The following AMBRA1 variants were observed in gnomAD, a reference collection of about 807,000 sequenced individuals.
The protein encoded by AMBRA1 is activating molecule in BECN1-regulated autophagy protein 1.
Under a neutral mutation model 125.4 loss-of-function variants are expected in AMBRA1, and 47 were observed. The observed-to-expected ratio is 0.37, with a 90% CI of 0.30 to 0.48. The LOEUF is 0.48. Ranked by LOEUF, AMBRA1 falls within the 20% of genes least tolerant of loss-of-function variation. The pLI is 0.99. For synonymous variants in AMBRA1, 626 were observed against 655.5 expected, an observed-to-expected ratio of 0.95 and a Z score of 0.69; for missense variants, 1,331 against 1,693.4, an observed-to-expected ratio of 0.79 and a Z score of 3.76.
chr11:46,401,845 T>A (rs1303651856), intron 17 of AMBRA1, among the ~76,000 whole-genome samples: 2 of 152,210 alleles, frequency 1.3e-5, no homozygotes, highest in African/African-American at 4.8e-5. Flanking sequence ...TGGTTAAGTC[T>A]GCACCCTGTT....
At chr11:46,552,522 T>C (rs1286565828) in intron 1 of AMBRA1, among the ~76,000 whole-genome samples, 1 of 148,146 alleles carries the variant, frequency 6.8e-6, no homozygotes, top group African/African-American at 2.5e-5. Flanking sequence ...CCGTCTCTAC[T>C]AAAAATACAA....
chr11:46,447,687 G>T (rs1201823319), intron 11 of AMBRA1, among the ~76,000 whole-genome samples: 1 of 151,828 alleles, frequency 6.6e-6, no homozygotes, highest in African/African-American at 2.4e-5. Context: ...TACAGCCTGG[G>T]TTACAGAGCC....
chr11:46,555,066 C>T (rs938022867), intron 1 of AMBRA1, among the ~76,000 whole-genome samples: 1 of 151,906 alleles, frequency 6.6e-6, no homozygotes, highest in African/African-American at 2.4e-5. Flanking sequence ...AGAGTGAGAC[C>T]CTGTCTTAAA....
At chr11:46,517,941 G>C (rs919355815) in intron 7 of AMBRA1, among the ~76,000 whole-genome samples, 2 of 151,196 alleles carry the variant, frequency 1.3e-5, no homozygotes, top group African/African-American at 4.9e-5. Context: ...TAGAGAGAGA[G>C]AGAACAAAAG....
At chr11:46,582,413 T>A (rs1231611041) in intron 1 of AMBRA1, among the ~76,000 whole-genome samples, 1 of 152,182 alleles carries the variant, frequency 6.6e-6, no homozygotes, top group Non-Finnish European at 1.5e-5. Context: ...CTGTCATAGG[T>A]TTGGCACACA....
intron 1 of AMBRA1, among the ~76,000 whole-genome samples, chr11:46,558,061 C>G (rs1565294661): frequency 6.6e-6 from 1 of 152,122 alleles, no homozygotes; most frequent in Non-Finnish European, 1.5e-5. Context: ...CTTCTTAGAC[C>G]TTCTAACCTA....
At chr11:46,583,086 C>T (rs900451223) in intron 1 of AMBRA1, among the ~76,000 whole-genome samples, 13 of 152,142 alleles carry the variant, frequency 8.5e-5, no homozygotes, top group African/African-American at 3.1e-4. Context: ...CATCACGCTA[C>T]CTGACTTCAA....
At chr11:46,440,525 G>C (rs1412252743) in intron 12 of AMBRA1, among the ~76,000 whole-genome samples, 9 of 152,174 alleles carry the variant, frequency 5.9e-5, no homozygotes, top group South Asian at 2.1e-4. Flanking sequence ...TTTTTGAACA[G>C]TAATATCAAT....
At chr11:46,535,308 A>G (rs1952418495) in intron 7 of AMBRA1, among the ~76,000 whole-genome samples, 1 of 152,214 alleles carries the variant, frequency 6.6e-6, no homozygotes, top group Non-Finnish European at 1.5e-5. Flanking sequence ...ACTCCGCATA[A>G]TTAGAGGTAA....
In AMBRA1 at chr11:46,454,688, T is replaced by C. The variant is rs543915264; in HGVS notation, c.2522-11090A>G. Among the ~76,000 whole-genome samples the C allele has an allele frequency of 7.3e-5, 11 of 151,460 alleles. No individual in the cohort carries two copies. The East Asian group carries it at 2.2e-3, about 30-fold the overall frequency. On this transcript the variant is annotated intron_variant, in intron 11 of 17. Coordinates refer to ENST00000683756, the MANE Select transcript of AMBRA1 (RefSeq NM_001387011.1). ...ATGGTGTGAGCCCGGAAGGCGGAGC[T>C]TGCAGCGAGCCGAGATCACGCCACT...
chr11:46,434,869 A>G lies in AMBRA1; in HGVS notation c.2801T>C (p.Met934Thr), dbSNP rs992882280. Residue 934 changes from methionine to threonine, a missense_variant, in exon 13 of 18, where the codon ATG (methionine) becomes ACG (threonine). Transcript: ENST00000683756. The part of the protein sequence containing the change: ...YSLAPHNLGE[M>T]LYTKRFGPNA... Reference sequence around the variant, plus strand: ...CTTACCAAATCGCTTGGTGTAGAGCATTTCGCCCAGGTTATGGGGGGCCAG... The same window carrying G: ...CTTACCAAATCGCTTGGTGTAGAGCGTTTCGCCCAGGTTATGGGGGGCCAG... The G allele has an allele frequency of 6.2e-7, 1 of 1,610,214 alleles. No individual in the cohort carries two copies. The highest frequency in any genetic ancestry group is 8.5e-7 in the Non-Finnish European group (1 of 1,178,462).
intron 11 of AMBRA1, among the ~76,000 whole-genome samples, chr11:46,463,044 A>G (rs2136842688): frequency 6.6e-6 from 1 of 152,228 alleles, no homozygotes; most frequent in South Asian, 2.1e-4. Flanking sequence ...GTGAGCCACC[A>G]CGTCTGGCCA....
chr11:46,520,990 C>T (rs1951738519), intron 7 of AMBRA1, among the ~76,000 whole-genome samples: 1 of 152,198 alleles, frequency 6.6e-6, no homozygotes, highest in South Asian at 2.1e-4. Context: ...AAAACAGGTA[C>T]TGGATCCAAG....
intron 16 of AMBRA1, among the ~76,000 whole-genome samples, chr11:46,409,081 C>G (rs1946159544): frequency 6.6e-6 from 1 of 152,200 alleles, no homozygotes; most frequent in African/African-American, 2.4e-5. Flanking sequence ...AGAGTGAGCA[C>G]TAGAAGAAGG....
At chr11:46,584,514 G>A (rs2135325109) in intron 1 of AMBRA1, among the ~76,000 whole-genome samples, 1 of 150,570 alleles carries the variant, frequency 6.6e-6, no homozygotes, top group South Asian at 2.1e-4. Context: ...CCTAAAACTT[G>A]AAGTATAATA....
intron 1 of AMBRA1, among the ~76,000 whole-genome samples, chr11:46,582,307 C>T (rs1174102992): frequency 6.6e-6 from 1 of 152,032 alleles, no homozygotes; most frequent in Non-Finnish European, 1.5e-5. Flanking sequence ...CCTTTCTATC[C>T]TTCTAGTCTC....
intron 9 of AMBRA1, among the ~76,000 whole-genome samples, chr11:46,498,330 A>G (rs1258879233): frequency 1.3e-5 from 2 of 152,220 alleles, no homozygotes; most frequent in East Asian, 3.8e-4. Context: ...GAAACACCAG[A>G]GAAACCCTCA....
chr11:46,528,835 G>T (rs1361116452), intron 7 of AMBRA1, among the ~76,000 whole-genome samples: 2 of 152,104 alleles, frequency 1.3e-5, no homozygotes, highest in African/African-American at 4.8e-5. Context: ...AAAGATAAAC[G>T]CCACCTTGCT....
At chr11:46,592,187 G>A (rs980783902) in intron 1 of AMBRA1, among the ~76,000 whole-genome samples, 2 of 151,634 alleles carry the variant, frequency 1.3e-5, no homozygotes, top group Non-Finnish European at 2.9e-5. Context: ...CACCTGCCTT[G>A]GCCTCCCAAA....
Sources: gnomAD v4.1 joint callset for allele counts (sites outside exome capture counted in the v4.1 genomes callset) on GRCh38, gnomAD v4.1.1 for gene constraint, MANE v1.5 for transcripts, NCBI Gene and HGNC (gene_info 2026-07-23, HGNC 2026-07-21) for gene names.